The following ZNF831 variants were observed in gnomAD, a reference collection of about 807,000 sequenced individuals.
ZNF831 encodes the protein chromosome 20 open reading frame 174.
In ZNF831, 59 loss-of-function variants were observed where a neutral mutation model predicts 95.8. The observed-to-expected ratio is 0.62, with a 90% CI of 0.50 to 0.77. The LOEUF (loss-of-function observed/expected upper bound fraction) is 0.77, where lower values mean the gene tolerates loss of function less well. ZNF831 is among the 30% of genes least tolerant of loss of function. ZNF831 has a pLI of 0.00. For missense variants in ZNF831, 2,205 were observed against 2,164.0 expected (o/e 1.02, Z -0.38); for synonymous variants, 961 against 925.5 (o/e 1.04, Z -0.70).
chr20:59,144,026 A>G (rs1979761706), intron 1 of ZNF831, among the ~76,000 whole-genome samples: 1 of 152,210 alleles, frequency 6.6e-6, no homozygotes, highest in African/African-American at 2.4e-5. Context: ...CTGTTCACAC[A>G]GAGTTCAAGT....
chr20:59,186,882 T>TC (rs1983092168), intron 1 of ZNF831, among the ~76,000 whole-genome samples: 1 of 151,920 alleles, frequency 6.6e-6, no homozygotes, highest in South Asian at 2.1e-4. Context: ...GCAATGGTCT[T>TC]CTGGGTCCTC....
At position 59,254,636 on chromosome 20, in the gene ZNF831, T is replaced by C. The variant is rs2146773161; in HGVS notation, c.4927T>C (p.Ser1643Pro). The change falls in exon 6 of 6, where the codon TCT (serine) becomes CCT (proline). Residue 1643 changes from serine to proline, a missense_variant. Ser to Pro is a moderately conservative substitution (Grantham distance 74). Transcript: ENST00000371030. The surrounding 1 kb of genome is among the most constrained non-coding windows in gnomAD (Gnocchi z 4.5). ...GCCCATAGAAATTCCTGAAGCCCCT[T>C]CTAAATCCCTCAAGAAGAGGAGTCT... Reference protein sequence around the residue: ...EQPIEIPEAPSKSLKKRSLEG... With the variant: ...EQPIEIPEAPPKSLKKRSLEG... The C allele has an allele frequency of 1.2e-6, 2 of 1,614,030 alleles. No individual in the cohort carries two copies. Among genetic ancestry groups the C allele is most frequent in the South Asian group, 2.2e-5 (2 of 91,086 alleles).
chr20:59,137,050 C>A (rs1181921838), intron 1 of ZNF831, among the ~76,000 whole-genome samples: 2 of 152,336 alleles, frequency 1.3e-5, no homozygotes, highest in East Asian at 1.9e-4. Context: ...GGAGAAAGAG[C>A]AACCAGTTAG....
intron 1 of ZNF831, among the ~76,000 whole-genome samples, chr20:59,140,953 G>T (rs1310603384): frequency 6.6e-6 from 1 of 151,960 alleles, no homozygotes; most frequent in Non-Finnish European, 1.5e-5. Context: ...AGGCTGGAGT[G>T]CAGTGGCACG....
intron 3 of ZNF831, among the ~76,000 whole-genome samples, chr20:59,204,579 G>A (rs980843328): frequency 2.0e-5 from 3 of 152,330 alleles, no homozygotes; most frequent in Admixed American, 6.5e-5. Flanking sequence ...GAAATAGCAC[G>A]TCAGATCTCA....
Position 59,192,044 on chromosome 20 carries a change from C to G in ZNF831, c.1025C>G (p.Thr342Ser), listed in dbSNP as rs2146558668. The G allele has an allele frequency of 6.2e-7, 1 of 1,608,682 alleles. No homozygotes were observed. The highest frequency in any genetic ancestry group is 2.2e-5 in the East Asian group (1 of 44,832). The stretch of plus-strand genomic sequence containing the variant: ...GGCCGGCTGCGGAAGTGTGAGAGCA[C>G]CGACTCGGGGTACCTGTCGCGCTCC... ...PEGRLRKCES[T>S]DSGYLSRSDS... is the part of the protein sequence containing the mutation. The change falls in exon 2 of 6, where the codon ACC (threonine) becomes AGC (serine). Residue 342 changes from threonine to serine, a missense_variant. Physicochemically the swap from Thr to Ser is moderately conservative, Grantham distance 58. Transcript: ENST00000371030. This position sits in a 1 kb window ranked among gnomAD's most constrained non-coding sequence, Gnocchi z 5.2.
chr20:59,244,207 TGA>T, intron 4 of ZNF831, among the ~76,000 whole-genome samples: 1 of 152,192 alleles, frequency 6.6e-6, no homozygotes, highest in East Asian at 1.9e-4. Flanking sequence ...AAACTATTAC[TGA>T]GAGAGGCAAA....
chr20:59,236,405 C>T (rs1987000107), intron 4 of ZNF831, among the ~76,000 whole-genome samples: 1 of 152,234 alleles, frequency 6.6e-6, no homozygotes, highest in East Asian at 1.9e-4. Context: ...ACCTTAAGGG[C>T]CGATTCCTCT....
At chr20:59,253,337 T>A (rs951485967) in intron 5 of ZNF831, among the ~76,000 whole-genome samples, 199 bp downstream of exon 5, 2 of 152,068 alleles carry the variant, frequency 1.3e-5, no homozygotes, top group African/African-American at 4.8e-5. Flanking sequence ...AGTGCAAACA[T>A]TGGGATGATT....
intron 3 of ZNF831, among the ~76,000 whole-genome samples, chr20:59,202,321 A>T (rs1601391226): frequency 1.5e-5 from 2 of 137,266 alleles, no homozygotes; most frequent in Admixed American, 7.3e-5. Context: ...TCTTATTTTC[A>T]ACCTTTTTTT....
chr20:59,210,389 A>G (rs551794810), intron 4 of ZNF831, among the ~76,000 whole-genome samples: 4 of 152,216 alleles, frequency 2.6e-5, no homozygotes, highest in African/African-American at 9.6e-5. Flanking sequence ...CGGAGCCGCC[A>G]TATGTGAGGA....
chr20:59,207,537 G>C (rs1984987266), intron 4 of ZNF831, among the ~76,000 whole-genome samples: 1 of 151,824 alleles, frequency 6.6e-6, no homozygotes, highest in Admixed American at 6.6e-5. Context: ...CATGTGAAGT[G>C]GTAAGAGGCA....
At chr20:59,236,284 A>G (rs1349719947) in intron 4 of ZNF831, among the ~76,000 whole-genome samples, 1 of 152,124 alleles carries the variant, frequency 6.6e-6, no homozygotes, top group Non-Finnish European at 1.5e-5. Flanking sequence ...TGGGCCAAAC[A>G]TGCCCTTTTG....
chr20:59,237,378 G>A lies in ZNF831; in HGVS notation c.4028-15600G>A, dbSNP rs570836626. On this transcript the variant is annotated intron_variant, in intron 4 of 5. Coordinates refer to ENST00000371030, the MANE Select transcript of ZNF831 (RefSeq NM_178457.3). ...GCTTTTTATTTTGAGACAGGGTCTC[G>A]CTCTGTCACCCAGGCTGGAGTGCAG... 1.1e-4 allele frequency among the ~76,000 whole-genome samples: 16 copies of A among 152,100 alleles called. No individual in the cohort carries two copies. The South Asian group carries it at 2.9e-3, about 28-fold the overall frequency.
chr20:59,167,920 G>GTT (rs11477823), intron 1 of ZNF831, among the ~76,000 whole-genome samples: 1 of 148,190 alleles, frequency 6.7e-6, no homozygotes, highest in Non-Finnish European at 1.5e-5. Flanking sequence ...ATTGATTTAT[G>GTT]TTTTTTTTTT....
intron 1 of ZNF831, among the ~76,000 whole-genome samples, chr20:59,137,602 G>A (rs1317500235): frequency 3.3e-5 from 5 of 152,176 alleles, no homozygotes; most frequent in Non-Finnish European, 5.9e-5. Flanking sequence ...TTCTTGTGTG[G>A]AATGGAAGTT....
At chr20:59,150,918 C>T (rs930480193) in intron 2 of ZNF831, among the ~76,000 whole-genome samples, 4 of 152,176 alleles carry the variant, frequency 2.6e-5, no homozygotes, top group African/African-American at 9.7e-5. Context: ...AACAGGTTAG[C>T]TTGGAAGTTC....
rs1228345100 is a variant in ZNF831 at position 59,255,709 on chromosome 20, T to A, written c.*966T>A. 1 of 152,214 alleles carries A rather than the reference T, an allele frequency of 6.6e-6. No individual in the cohort carries two copies. Among genetic ancestry groups the A allele is most frequent in the Non-Finnish European group, 1.5e-5 (1 of 68,032 alleles). 9.4% of individuals were successfully genotyped at this position (152,214 alleles called of 1,614,324 possible). On this transcript the variant is annotated 3_prime_UTR_variant, in exon 6 of 6. Transcript: ENST00000371030. ...TCGTCGTGACGGGAGCCTTTTAGAT[T>A]TCCTTCAGAAGCTTCAAGGATACAA...
chr20:59,157,449 A>G (rs1367702971), intron 2 of ZNF831, among the ~76,000 whole-genome samples: 1 of 152,204 alleles, frequency 6.6e-6, no homozygotes, highest in Non-Finnish European at 1.5e-5. Context: ...GTGGCTTATC[A>G]TTTGAGAGCC....
Sources: gnomAD v4.1 joint callset for allele counts (sites outside exome capture counted in the v4.1 genomes callset) on GRCh38, gnomAD v4.1.1 for gene constraint, Gnocchi (gnomAD v3.1) non-coding constraint, MANE v1.5 for transcripts, NCBI Gene and HGNC (gene_info 2026-07-23, HGNC 2026-07-21) for gene names.